MMP16: variants seen among roughly 807,000 people sequenced by gnomAD.
MMP16 encodes the protein matrix metallopeptidase 16, also known as matrix metalloproteinase-16.
MMP16 carries 12 observed loss-of-function variants against 67.8 expected under a neutral mutation model. The observed-to-expected ratio is 0.18, with a 90% CI of 0.11 to 0.29. The LOEUF is 0.29. Ranked by LOEUF, MMP16 falls within the 10% of genes least tolerant of loss-of-function variation. The pLI is 1.00. For synonymous variants in MMP16, 249 were observed against 255.9 expected (o/e 0.97, Z 0.26); for missense variants, 475 against 765.7 (o/e 0.62, Z 4.48).
intron 7 of MMP16, among the ~76,000 whole-genome samples, chr8:88,068,902 A>C (rs925974958): frequency 6.6e-6 from 1 of 151,992 alleles, no homozygotes. Flanking sequence ...GGATTTCACC[A>C]TGTTGGCCAG....
chr8:88,112,078 G>C (rs144683621), intron 6 of MMP16, among the ~76,000 whole-genome samples: 3 of 151,666 alleles, frequency 2.0e-5, no homozygotes, highest in African/African-American at 7.2e-5. Flanking sequence ...TTTGAATACT[G>C]TTCCACGACA....
At chr8:88,110,505 A>G (rs1333349880) in intron 6 of MMP16, among the ~76,000 whole-genome samples, 2 of 151,548 alleles carry the variant, frequency 1.3e-5, no homozygotes, top group East Asian at 3.9e-4. Flanking sequence ...CTTTGGTCTT[A>G]TGTGAATCTA....
intron 1 of MMP16, among the ~76,000 whole-genome samples, chr8:88,221,956 T>C (rs1325245183): frequency 2.6e-5 from 4 of 152,114 alleles, no homozygotes; most frequent in Non-Finnish European, 4.4e-5. Flanking sequence ...TGGCATGATA[T>C]ATTACAAAAC....
intron 4 of MMP16, among the ~76,000 whole-genome samples, chr8:88,135,077 C>T (rs901626923): frequency 2.0e-5 from 3 of 151,598 alleles, no homozygotes; most frequent in African/African-American, 2.4e-5. Context: ...CTTTGAGCTA[C>T]TTTAAAGCTC....
At chr8:88,253,722 A>G (rs2129931165) in intron 1 of MMP16, among the ~76,000 whole-genome samples, 1 of 152,150 alleles carries the variant, frequency 6.6e-6, no homozygotes, top group African/African-American at 2.4e-5. Context: ...GAAAAACCTG[A>G]TATAGCAATC....
rs989046666 is a variant in MMP16 at position 88,233,944 on chromosome 8, T to A, written c.133-36638A>T. 4.6e-5 allele frequency among the ~76,000 whole-genome samples: 7 copies of A among 152,360 alleles called. No homozygotes were observed. In the South Asian group the frequency reaches 1.4e-3, roughly 32 times the overall value. Reference sequence around the variant, plus strand: ...AGTTATTTCACAATGATAATTCTATTTTATAGTCAAACATGAAAACTAACA... The same window carrying A: ...AGTTATTTCACAATGATAATTCTATATTATAGTCAAACATGAAAACTAACA... On this transcript the variant is annotated intron_variant, in intron 1 of 9. Coordinates refer to ENST00000286614, the MANE Select transcript of MMP16 (RefSeq NM_005941.5).
chr8:88,241,256 A>T lies in MMP16; in HGVS notation c.133-43950T>A, dbSNP rs1810029177. 2.0e-5 allele frequency among the ~76,000 whole-genome samples: 3 copies of T among 151,990 alleles called. No homozygotes were observed. The South Asian group carries it at 6.2e-4, about 31-fold the overall frequency. ...TAAATATTTCAGAAATTTCATTATG[A>T]TTTCTTTAATTTCGGAAGTCTCTAG... On this transcript the variant is annotated intron_variant, in intron 1 of 9. Coordinates refer to ENST00000286614, the MANE Select transcript of MMP16 (RefSeq NM_005941.5).
chr8:88,246,642 G>C (rs1480313764), intron 1 of MMP16, among the ~76,000 whole-genome samples: 1 of 152,126 alleles, frequency 6.6e-6, no homozygotes, highest in African/African-American at 2.4e-5. Flanking sequence ...AATAGTATCA[G>C]TTAAAGAATT....
At chr8:88,271,756 A>T (rs1486026124) in intron 1 of MMP16, among the ~76,000 whole-genome samples, 1 of 152,262 alleles carries the variant, frequency 6.6e-6, no homozygotes, top group East Asian at 1.9e-4. Flanking sequence ...AAAAGACCTC[A>T]TAATTGAGTC....
At chr8:88,196,112 G>A (rs978067843) in intron 2 of MMP16, among the ~76,000 whole-genome samples, 1 of 152,114 alleles carries the variant, frequency 6.6e-6, no homozygotes, top group Non-Finnish European at 1.5e-5. Flanking sequence ...GTCAAAAGAC[G>A]GATTCTGCAA....
chr8:88,167,737 G>C lies in MMP16; in HGVS notation c.641C>G (p.Pro214Arg). Residue 214 changes from proline (P) to arginine (R), a missense_variant, in exon 4 of 10, where the codon CCA becomes CGA. Physicochemically the swap from Pro to Arg is moderately radical, Grantham distance 103. Coordinates refer to ENST00000286614, the MANE Select transcript of MMP16 (RefSeq NM_005941.5). ...GFLAHAYFPG[P>R]GIGGDTHFDS... ...AAAATGGGTATCTCCTCCAATTCCT[G>C]GTCCAGGGAAGTAGGCATGTGCCAA... 6.2e-7 allele frequency: 1 copy of C among 1,613,916 alleles called. No homozygotes were observed. The highest frequency in any genetic ancestry group is 8.5e-7 in the Non-Finnish European group (1 of 1,179,944).
chr8:88,061,367 C>T (rs1047210673), intron 7 of MMP16, among the ~76,000 whole-genome samples: 1 of 152,038 alleles, frequency 6.6e-6, no homozygotes, highest in African/African-American at 2.4e-5. Context: ...TGCACCCTTT[C>T]CTTTCATCTC....
At position 88,040,971 on chromosome 8, in the gene MMP16, T is replaced by C. The variant is rs1490196153; in HGVS notation, c.*490A>G. On this transcript the variant is annotated 3_prime_UTR_variant, in exon 10 of 10. Transcript: ENST00000286614. ...TCACACTTTCCTGGAAGTTCAATTG[T>C]GGGTTTTTTGTTTAAACTCTTTTTT... The C allele has an allele frequency of 6.5e-6, 1 of 152,814 alleles. No homozygotes were observed. Among genetic ancestry groups the C allele is most frequent in the Non-Finnish European group, 1.5e-5 (1 of 68,374 alleles). The allele number at this position is 152,814 out of a possible 1,614,324, so 9.5% of individuals were successfully genotyped here. A position where few individuals can be genotyped will look rare whatever the true frequency, so the allele number is the denominator to read the frequency against.
At chr8:88,300,075 A>T (rs1410109596) in intron 1 of MMP16, among the ~76,000 whole-genome samples, 1 of 152,218 alleles carries the variant, frequency 6.6e-6, no homozygotes, top group Non-Finnish European at 1.5e-5. Context: ...GGTGAAAGAA[A>T]TGCAGACCAC....
At position 88,074,726 on chromosome 8, in the gene MMP16, T is replaced by G; in HGVS notation, c.1101A>C (p.Arg367=). The change falls in exon 7 of 10, where the codon CGA becomes CGC. Residue 367 remains arginine (R), a synonymous_variant. Coordinates refer to ENST00000286614, the MANE Select transcript of MMP16 (RefSeq NM_005941.5). ...CATCCATCACCCTGTTGTTTCTCACTCGCCAAAACCACTGGTCCTGCAAAC... is the reference window on the plus strand; with the variant it reads ...CATCCATCACCCTGTTGTTTCTCACGCGCCAAAACCACTGGTCCTGCAAAC... ...MFVFKDQWFW[R]VRNNRVMDGY... is the part of the protein sequence containing the mutation. 6.2e-7 allele frequency: 1 copy of G among 1,612,868 alleles called. No homozygotes were observed. Among genetic ancestry groups the G allele is most frequent in the Non-Finnish European group, 8.5e-7 (1 of 1,179,320 alleles).
At chr8:88,270,444 A>G (rs1199592206) in intron 1 of MMP16, among the ~76,000 whole-genome samples, 2 of 152,200 alleles carry the variant, frequency 1.3e-5, no homozygotes, top group Admixed American at 1.3e-4. Context: ...TATCTGACAT[A>G]TAATTAGAAG....
At chr8:88,079,158 G>T (rs1808703427) in intron 6 of MMP16, among the ~76,000 whole-genome samples, 1 of 152,128 alleles carries the variant, frequency 6.6e-6, no homozygotes, top group Non-Finnish European at 1.5e-5. Context: ...ACAGAGGAAA[G>T]CTCTTTTCTT....
intron 4 of MMP16, among the ~76,000 whole-genome samples, chr8:88,159,336 T>C (rs563411100): frequency 9.2e-5 from 14 of 152,328 alleles, no homozygotes; most frequent in Admixed American, 3.3e-4. Context: ...TCCTCTTCTA[T>C]TTCCTTGAGC....
chr8:88,307,300 G>A (rs1811224962), intron 1 of MMP16, among the ~76,000 whole-genome samples: 1 of 152,076 alleles, frequency 6.6e-6, no homozygotes, highest in Non-Finnish European at 1.5e-5. Context: ...ATGAAATGAA[G>A]AGTCTTGAAT....
Sources: gnomAD v4.1 joint callset for allele counts (sites outside exome capture counted in the v4.1 genomes callset) on GRCh38, gnomAD v4.1.1 for gene constraint, MANE v1.5 for transcripts, NCBI Gene and HGNC (gene_info 2026-07-23, HGNC 2026-07-21) for gene names.